Variants in ANXA5 observed in about 807,000 individuals in gnomAD.
The protein encoded by ANXA5 is annexin A5.
A neutral mutation model predicts 48.1 loss-of-function variants in ANXA5; 40 were observed. That is an observed-to-expected ratio of 0.83 (90% CI 0.65 to 1.08). ANXA5 has a LOEUF of 1.08. ANXA5 is among the 50% of genes least tolerant of loss of function. The pLI, the probability that ANXA5 is intolerant of heterozygous loss-of-function variation, is 0.00. For missense variants in ANXA5, 357 were observed against 376.8 expected (o/e 0.95, Z 0.44); for synonymous variants, 113 against 129.1 (o/e 0.88, Z 0.85).
chr4:121,692,999 C>T (rs1282085433), intron 2 of ANXA5, among the ~76,000 whole-genome samples: 1 of 152,110 alleles, frequency 6.6e-6, no homozygotes, highest in Non-Finnish European at 1.5e-5. Context: ...TTTGGGAGGC[C>T]GAGGCACACG....
chr4:121,691,514 A>G (rs1024484881), intron 2 of ANXA5, among the ~76,000 whole-genome samples: 1 of 149,590 alleles, frequency 6.7e-6, no homozygotes, highest in Non-Finnish European at 1.5e-5. Context: ...GTTCCATATA[A>G]TCAATATTTA....
At chr4:121,688,694 C>A (rs186060505) in intron 2 of ANXA5, among the ~76,000 whole-genome samples, 1 of 152,242 alleles carries the variant, frequency 6.6e-6, no homozygotes, top group East Asian at 1.9e-4. Flanking sequence ...CCCCACACGA[C>A]CTTAACTCCT....
At chr4:121,674,196 AGGGGAGGGAGAG>A (rs1724658526) in intron 8 of ANXA5, among the ~76,000 whole-genome samples, 1 of 67,044 alleles carries the variant, frequency 1.5e-5, no homozygotes. Flanking sequence ...AGGGGAGGGG[AGGGGAGGGAGAG>A]GGGCGGAAAG....
At chr4:121,688,278 T>C (rs1274654973) in intron 2 of ANXA5, among the ~76,000 whole-genome samples, 2 of 152,154 alleles carry the variant, frequency 1.3e-5, no homozygotes, top group Non-Finnish European at 1.5e-5. Context: ...AGCAGCCCAA[T>C]GAACTAAGGC....
rs1724557680 is a variant in ANXA5, at chr4:121,668,486, GAGC to G, written c.942_944del (p.Leu315del). 3.7e-6 allele frequency: 6 copies of G among 1,613,496 alleles called. No homozygotes were observed. Among genetic ancestry groups the G allele is most frequent in the Non-Finnish European group, 5.1e-6 (6 of 1,179,554 alleles). The stretch of plus-strand genomic sequence containing the variant: ...TGACACGTTAGTCATCTTCTCCACA[GAGC>G]AGCAGAAGAGCTTTCTTATAGTCCC... On this transcript the variant is annotated inframe_deletion, in exon 13 of 13. Coordinates refer to ENST00000296511, the MANE Select transcript of ANXA5 (RefSeq NM_001154.4).
intron 1 of ANXA5, 107 bp downstream of exon 1, chr4:121,696,756 C>A (rs1046958228): frequency 8.7e-6 from 4 of 462,024 alleles, no homozygotes; most frequent in Non-Finnish European, 1.5e-5. Context: ...CCCGCCCTCT[C>A]GCAGCTACCG....
intron 2 of ANXA5, among the ~76,000 whole-genome samples, chr4:121,694,781 T>C (rs534758774): frequency 1.3e-5 from 2 of 152,200 alleles, no homozygotes; most frequent in African/African-American, 2.4e-5. Context: ...TTTTAAAACA[T>C]TACTTGTAAC....
At chr4:121,695,448 A>C (rs1725063009) in intron 2 of ANXA5, among the ~76,000 whole-genome samples, 5 of 152,238 alleles carry the variant, frequency 3.3e-5, no homozygotes, top group African/African-American at 9.6e-5. Context: ...CAGTTAAAAC[A>C]CTTGTTTAAA....
At chr4:121,669,565 G>T in intron 12 of ANXA5, 37 bp downstream of exon 12, 2 of 1,611,352 alleles carry the variant, frequency 1.2e-6, no homozygotes, top group South Asian at 2.2e-5. Context: ...AGTCTGCTTT[G>T]GATTCCCAAA....
chr4:121,669,393 C>T lies in ANXA5; in HGVS notation c.903+209G>A, dbSNP rs189543021. On this transcript the variant is annotated intron_variant, in intron 12 of 12. Coordinates refer to ENST00000296511, the MANE Select transcript of ANXA5 (RefSeq NM_001154.4). ...TAATGCTTCTGAGTTCACCAAGAGC[C>T]TCAGCCACATCAATACCCATGCTTT... The T allele has an allele frequency of 2.4e-5, 14 of 591,898 alleles. No homozygotes were observed. In the East Asian group the frequency reaches 4.0e-4, roughly 17 times the overall value. 36.7% of individuals were successfully genotyped at this position (591,898 alleles called of 1,614,324 possible). A position where few individuals can be genotyped will look rare whatever the true frequency, so the allele number is the denominator to read the frequency against.
At chr4:121,672,857 A>G (rs1342083781) in intron 8 of ANXA5, among the ~76,000 whole-genome samples, 1 of 152,220 alleles carries the variant, frequency 6.6e-6, no homozygotes, top group East Asian at 1.9e-4. Flanking sequence ...CAAGCAACAA[A>G]GCACGGCAAT....
At position 121,671,573 on chromosome 4, in the gene ANXA5, T is replaced by C; in HGVS notation, c.695A>G (p.Asn232Ser). 6.2e-7 allele frequency: 1 copy of C among 1,613,424 alleles called. No homozygotes were observed. Among genetic ancestry groups the C allele is most frequent in the Non-Finnish European group, 8.5e-7 (1 of 1,179,454 alleles). ...EETIDRETSG[N>S]LEQLLLAVVK... Reference sequence around the variant, plus strand: ...AACAGCAAGGAGTAGTTGCTCTAAATTGCCAGAAGTCTCGCGGTCAATGGT... The same window carrying C: ...AACAGCAAGGAGTAGTTGCTCTAAACTGCCAGAAGTCTCGCGGTCAATGGT... The change falls in exon 10 of 13, where the codon AAT becomes AGT. Residue 232 changes from asparagine (N) to serine (S), a missense_variant. Asn to Ser is a conservative substitution (Grantham distance 46, BLOSUM62 1). Coordinates refer to ENST00000296511, the MANE Select transcript of ANXA5 (RefSeq NM_001154.4).
At chr4:121,686,434 C>A in intron 2 of ANXA5, 62 bp from the exon 3 acceptor site, 1 of 1,257,890 alleles carries the variant, frequency 7.9e-7, no homozygotes, top group Non-Finnish European at 1.2e-6. Flanking sequence ...GTAAATAACA[C>A]AAACAGGAAG....
intron 12 of ANXA5, 72 bp from the exon 13 acceptor site, chr4:121,668,599 G>A: frequency 1.5e-6 from 2 of 1,317,994 alleles, no homozygotes; most frequent in South Asian, 1.2e-5. Context: ...CTAAATAACT[G>A]GCAACAAATT....
At chr4:121,675,891 A>C (rs931322453) in intron 8 of ANXA5, among the ~76,000 whole-genome samples, 2 of 152,248 alleles carry the variant, frequency 1.3e-5, no homozygotes, top group African/African-American at 4.8e-5. Flanking sequence ...GACAGAAATC[A>C]ATGAAAACAA....
chr4:121,685,185 C>CA (rs1476529523), intron 3 of ANXA5, among the ~76,000 whole-genome samples: 1 of 152,044 alleles, frequency 6.6e-6, no homozygotes, highest in Admixed American at 6.6e-5. Context: ...TTCTACCCCC[C>CA]ATTCCCAACC....
At chr4:121,696,560 G>A in intron 2 of ANXA5, 21 bp downstream of exon 2, 1 of 1,395,166 alleles carries the variant, frequency 7.2e-7, no homozygotes, top group Non-Finnish European at 9.4e-7. Flanking sequence ...ATCCAGCGCA[G>A]TGGGGGGCGC....
intron 2 of ANXA5, among the ~76,000 whole-genome samples, chr4:121,691,911 A>G (rs1198153032): frequency 6.6e-6 from 1 of 152,256 alleles, no homozygotes; most frequent in African/African-American, 2.4e-5. Context: ...GTAAAGCAAA[A>G]TAATTATCAG....
chr4:121,696,027 C>T (rs575762112), intron 2 of ANXA5, among the ~76,000 whole-genome samples: 1 of 151,812 alleles, frequency 6.6e-6, no homozygotes, highest in Non-Finnish European at 1.5e-5. Flanking sequence ...AAAAACAGCG[C>T]TTGTGTTTAA....
Sources: gnomAD v4.1 joint callset for allele counts (sites outside exome capture counted in the v4.1 genomes callset) on GRCh38, gnomAD v4.1.1 for gene constraint, MANE v1.5 for transcripts, NCBI Gene and HGNC (gene_info 2026-07-23, HGNC 2026-07-21) for gene names.